The following RNF187 variants were observed in gnomAD, a reference collection of about 807,000 sequenced individuals.
RNF187 encodes ring finger protein 187.
RNF187 carries 18 observed loss-of-function variants against 22.2 expected under a neutral mutation model. That is an observed-to-expected ratio of 0.81 (90% CI 0.56 to 1.20). The LOEUF is 1.20. Among genes scored for constraint, RNF187 ranks in the 50% most tolerant of loss-of-function variants. RNF187 has a pLI of 0.00. For synonymous variants in RNF187, 164 were observed against 140.9 expected (o/e 1.16, Z -1.16); for missense variants, 329 against 317.6 (o/e 1.04, Z -0.27).
Position 228,493,553 on chromosome 1 carries a change from T to G in RNF187, c.705+279T>G. Among the ~76,000 whole-genome samples the G allele has an allele frequency of 1.3e-5, 2 of 152,218 alleles. No homozygotes were observed. Among genetic ancestry groups the G allele is most frequent in the African/African-American group, 4.8e-5 (2 of 41,460 alleles). On this transcript the variant is annotated intron_variant, in intron 3 of 3. Coordinates refer to ENST00000305943, the MANE Select transcript of RNF187 (RefSeq NM_001010858.3). The surrounding 1 kb of genome is among the most constrained non-coding windows in gnomAD (Gnocchi z 4.7). ...AGCATGGAAGGCTCCTGCCTCGCCC[T>G]GGGGTCCTGAAGGCAGAAGCAGCCA...
Position 228,493,122 on chromosome 1 carries a change from G to C in RNF187, c.553G>C (p.Glu185Gln). The change falls in exon 3 of 4, where the codon GAG becomes CAG. Residue 185 changes from glutamate to glutamine, a missense_variant. Physicochemically the swap from Glu to Gln is conservative, Grantham distance 29 (BLOSUM62 2). Coordinates refer to ENST00000305943, the MANE Select transcript of RNF187 (RefSeq NM_001010858.3). The surrounding 1 kb of genome is among the most constrained non-coding windows in gnomAD (Gnocchi z 4.7). ...GAAGCTGCGGGCCTTCTTTGTGGAG[G>C]AGGAGGAGCATTTCCTGCAGGAGGC... 1 of 1,551,742 alleles carries C rather than the reference G, an allele frequency of 6.4e-7. No individual in the cohort carries two copies. The highest frequency in any genetic ancestry group is 8.7e-7 in the Non-Finnish European group (1 of 1,146,982).
Position 228,495,942 on chromosome 1 carries a change from T to A in RNF187, c.*2057T>A. On this transcript the variant is annotated 3_prime_UTR_variant, in exon 4 of 4. Transcript: ENST00000305943. Reference sequence around the variant, plus strand: ...CCTCATGGATACCAAAATCTGCAGATACTCAAGTACCCTGCAGTCAGCCCT... The same window carrying A: ...CCTCATGGATACCAAAATCTGCAGAAACTCAAGTACCCTGCAGTCAGCCCT... 6.6e-6 allele frequency among the ~76,000 whole-genome samples: 1 copy of A among 152,178 alleles called. No homozygotes were observed. The highest frequency in any genetic ancestry group is 2.1e-4 in the South Asian group (1 of 4,830).
intron 2 of RNF187, among the ~76,000 whole-genome samples, chr1:228,489,323 T>C: frequency 1.8e-4 from 27 of 152,128 alleles, no homozygotes; most frequent in East Asian, 3.9e-4. Flanking sequence ...CTTTTTTTTT[T>C]CCCAAGAGAC....
chr1:228,490,096 C>T, intron 2 of RNF187, among the ~76,000 whole-genome samples: 1 of 152,200 alleles, frequency 6.6e-6, no homozygotes, highest in Non-Finnish European at 1.5e-5. Context: ...TCATAAATTC[C>T]TATCTCCTTC....
chr1:228,494,898 G>A lies in RNF187; in HGVS notation c.*1013G>A. On this transcript the variant is annotated 3_prime_UTR_variant, in exon 4 of 4. Transcript: ENST00000305943. ...AGCCCTTCTGAGTCCCCGGCCCTTG[G>A]TGCGATGTCTGTGAGTTTGACCTGC... 1.0e-6 allele frequency: 1 copy of A among 985,422 alleles called. No homozygotes were observed. The highest frequency in any genetic ancestry group is 1.2e-6 in the Non-Finnish European group (1 of 829,978). The allele number at this position is 985,422 out of a possible 1,614,324, so 61.0% of individuals were successfully genotyped here.
chr1:228,492,664 C>T, intron 2 of RNF187, among the ~76,000 whole-genome samples: 11,690 of 124,120 alleles, frequency 0.094, 690 homozygotes, highest in East Asian at 0.28. Flanking sequence ...CTCGCTCTGT[C>T]GCCCAGGCTG....
intron 2 of RNF187, among the ~76,000 whole-genome samples, chr1:228,491,446 AT>A: frequency 6.0e-4 from 84 of 140,748 alleles, no homozygotes; most frequent in Admixed American, 5.0e-4. Context: ...AAAACATAGG[AT>A]TTTTTTTTTT....
chr1:228,494,020 T>G lies in RNF187; in HGVS notation c.*135T>G. 1.3e-6 allele frequency: 2 copies of G among 1,546,378 alleles called. No homozygotes were observed. Among genetic ancestry groups the G allele is most frequent in the African/African-American group, 2.7e-5 (2 of 72,900 alleles). ...TGGGTCCATCTACATAGTTGCGTGT[T>G]TCAACAATGTCCATTTATCCTTCAC... is the stretch of plus-strand genomic sequence containing the variant. On this transcript the variant is annotated 3_prime_UTR_variant, in exon 4 of 4. Coordinates refer to ENST00000305943, the MANE Select transcript of RNF187 (RefSeq NM_001010858.3).
Position 228,495,495 on chromosome 1 carries a change from G to C in RNF187, c.*1610G>C. On this transcript the variant is annotated 3_prime_UTR_variant, in exon 4 of 4. Transcript: ENST00000305943. ...TTTGTCAGCACGCCAACAACATCCC[G>C]ACCCTGAGACCTCCAGTTTGTCTTT... The C allele has an allele frequency of 3.0e-6, 3 of 985,348 alleles. No homozygotes were observed. The highest frequency in any genetic ancestry group is 3.6e-6 in the Non-Finnish European group (3 of 829,946). The allele number at this position is 985,348 out of a possible 1,614,324, so 61.0% of individuals were successfully genotyped here.
intron 2 of RNF187, among the ~76,000 whole-genome samples, chr1:228,492,618 CTTTTTTTTT>C: frequency 4.8e-5 from 3 of 62,110 alleles, no homozygotes; most frequent in African/African-American, 1.6e-4. Context: ...CCGTGCCTGG[CTTTTTTTTT>C]TTTTTTTTTT....
intron 1 of RNF187, chr1:228,488,208 T>A: frequency 6.6e-6 from 1 of 151,050 alleles, no homozygotes; most frequent in Non-Finnish European, 1.4e-5. Flanking sequence ...AGCGCCCATC[T>A]TTGTGGTCCC....
chr1:228,487,526 C>G lies in RNF187; in HGVS notation c.38C>G (p.Ala13Gly). 1 of 1,198,336 alleles carries G rather than the reference C, an allele frequency of 8.3e-7. No individual in the cohort carries two copies. Among genetic ancestry groups the G allele is most frequent in the South Asian group, 2.6e-5 (1 of 38,398 alleles). 74.2% of individuals were successfully genotyped at this position (1,198,336 alleles called of 1,614,324 possible). A position where few individuals can be genotyped will look rare whatever the true frequency, so the allele number is the denominator to read the frequency against. The change falls in exon 1 of 4, where the codon GCC (alanine) becomes GGC (glycine). Residue 13 changes from alanine to glycine, a missense_variant. Ala to Gly is a moderately conservative substitution (Grantham distance 60, BLOSUM62 0). Coordinates refer to ENST00000305943, the MANE Select transcript of RNF187 (RefSeq NM_001010858.3). ...GCGGGCCCCGCCGAGGCCGCCTGCG[C>G]CCTGTGCCAGCGCGCGCCCCGGGAA...
intron 2 of RNF187, among the ~76,000 whole-genome samples, chr1:228,491,948 C>G: frequency 3.3e-5 from 5 of 152,140 alleles, no homozygotes; most frequent in Non-Finnish European, 7.3e-5. Flanking sequence ...TTCCTGTCGT[C>G]CTTGATGATA....
intron 1 of RNF187, 91 bp downstream of exon 1, chr1:228,487,969 C>T: frequency 1.1e-5 from 9 of 804,622 alleles, no homozygotes; most frequent in African/African-American, 1.1e-4. Context: ...GGGCCCTTCC[C>T]GTCTCCACTG....
chr1:228,494,330 G>C lies in RNF187; in HGVS notation c.*445G>C. On this transcript the variant is annotated 3_prime_UTR_variant, in exon 4 of 4. Transcript: ENST00000305943. ...GGTTAGCATCCAGAAAGAAGAATGC[G>C]CATGACGCTCTGTGAAGGCTGGAAC... The C allele has an allele frequency of 1.8e-5, 19 of 1,063,134 alleles. No individual in the cohort carries two copies. Among genetic ancestry groups the C allele is most frequent in the African/African-American group, 3.3e-5 (2 of 61,088 alleles). The allele number at this position is 1,063,134 out of a possible 1,614,324, so 65.9% of individuals were successfully genotyped here.
chr1:228,490,292 C>T, intron 2 of RNF187, among the ~76,000 whole-genome samples: 3 of 152,162 alleles, frequency 2.0e-5, no homozygotes, highest in Non-Finnish European at 2.9e-5. Flanking sequence ...CAGACAGTGA[C>T]GGGTTACACA....
At chr1:228,489,127 G>A in intron 2 of RNF187, 75 bp downstream of exon 2, 8 of 1,263,226 alleles carry the variant, frequency 6.3e-6, no homozygotes, top group Non-Finnish European at 7.8e-6. Flanking sequence ...GGACCACCAG[G>A]CCAAGTGGGC....
Position 228,495,068 on chromosome 1 carries a change from C to T in RNF187, c.*1183C>T. ...AACTTCCTCGTGACACGTGCTAAAGCATGGTGAGGAGGACTTTGATTGGGA... is the reference window on the plus strand; with the variant it reads ...AACTTCCTCGTGACACGTGCTAAAGTATGGTGAGGAGGACTTTGATTGGGA... On this transcript the variant is annotated 3_prime_UTR_variant, in exon 4 of 4. Transcript: ENST00000305943. 1 of 977,114 alleles carries T rather than the reference C, an allele frequency of 1.0e-6. No homozygotes were observed. The highest frequency in any genetic ancestry group is 1.2e-6 in the Non-Finnish European group (1 of 822,304). The allele number at this position is 977,114 out of a possible 1,614,324, so 60.5% of individuals were successfully genotyped here. A position where few individuals can be genotyped will look rare whatever the true frequency, so the allele number is the denominator to read the frequency against.
Position 228,494,882 on chromosome 1 carries a change from G to C in RNF187, c.*997G>C. 1.0e-6 allele frequency: 1 copy of C among 985,464 alleles called. No homozygotes were observed. Among genetic ancestry groups the C allele is most frequent in the East Asian group, 1.1e-4 (1 of 8,800 alleles). 61.0% of individuals were successfully genotyped at this position (985,464 alleles called of 1,614,324 possible). A position where few individuals can be genotyped will look rare whatever the true frequency, so the allele number is the denominator to read the frequency against. On this transcript the variant is annotated 3_prime_UTR_variant, in exon 4 of 4. Coordinates refer to ENST00000305943, the MANE Select transcript of RNF187 (RefSeq NM_001010858.3). ...CCAGATGAAGCCTTTCAGCCCTTCT[G>C]AGTCCCCGGCCCTTGGTGCGATGTC...
Sources: allele counts gnomAD v4.1 joint callset (sites outside exome capture counted in the v4.1 genomes callset), GRCh38; gene constraint gnomAD v4.1.1; non-coding constraint Gnocchi (gnomAD v3.1); transcripts MANE v1.5; gene names NCBI Gene and HGNC (gene_info 2026-07-23, HGNC 2026-07-21).